SLC9A9: variants seen among roughly 807,000 people sequenced by gnomAD.
SLC9A9 encodes solute carrier family 9 member A9.
Under a neutral mutation model 77.8 loss-of-function variants are expected in SLC9A9, and 62 were observed. That is an observed-to-expected ratio of 0.80 (90% CI 0.65 to 0.98). The LOEUF is 0.98. Ranked by LOEUF, SLC9A9 falls within the 50% of genes least tolerant of loss-of-function variation. SLC9A9 has a pLI of 0.00. For synonymous variants in SLC9A9, 320 were observed against 283.5 expected (o/e 1.13, Z -1.29); for missense variants, 775 against 774.9 (o/e 1.00, Z 0.00).
chr3:143,478,846 A>C (rs1207637624), intron 11 of SLC9A9, among the ~76,000 whole-genome samples: 1 of 152,240 alleles, frequency 6.6e-6, no homozygotes, highest in Non-Finnish European at 1.5e-5. Context: ...GCAATTAATA[A>C]ATAAATTCAG....
At chr3:143,793,129 G>T (rs575460293) in intron 4 of SLC9A9, among the ~76,000 whole-genome samples, 3 of 152,206 alleles carry the variant, frequency 2.0e-5, no homozygotes, top group African/African-American at 7.2e-5. Context: ...ATTATAAGTT[G>T]TTGGACAACC....
At chr3:143,318,018 T>C (rs144463488) in intron 14 of SLC9A9, among the ~76,000 whole-genome samples, 2,211 of 152,282 alleles carry the variant, frequency 0.015, 38 homozygotes, top group Middle Eastern at 0.037. Context: ...TGAGCCACCG[T>C]GCCCGGCCTC....
At chr3:143,688,575 T>A (rs1396194882) in intron 5 of SLC9A9, among the ~76,000 whole-genome samples, 4 of 152,090 alleles carry the variant, frequency 2.6e-5, no homozygotes, top group Non-Finnish European at 5.9e-5. Context: ...AGTCCATGCT[T>A]CCAGTGGCTG....
At chr3:143,709,446 G>A (rs1934083433) in intron 4 of SLC9A9, among the ~76,000 whole-genome samples, 1 of 152,116 alleles carries the variant, frequency 6.6e-6, no homozygotes, top group Admixed American at 6.5e-5. Flanking sequence ...TTCTAATAAG[G>A]TTCCAGGTGG....
chr3:143,553,557 CA>C (rs1427468593), intron 8 of SLC9A9, among the ~76,000 whole-genome samples: 1 of 152,066 alleles, frequency 6.6e-6, no homozygotes, highest in Non-Finnish European at 1.5e-5. Context: ...AGTGAATCTG[CA>C]ACAAAGAATT....
At chr3:143,664,268 A>G (rs1255648323) in intron 5 of SLC9A9, among the ~76,000 whole-genome samples, 1 of 152,234 alleles carries the variant, frequency 6.6e-6, no homozygotes, top group Non-Finnish European at 1.5e-5. Context: ...TCCTTTCCAG[A>G]CAAGCAAATG....
chr3:143,616,623 T>A (rs1456646916), intron 6 of SLC9A9, among the ~76,000 whole-genome samples: 1 of 152,112 alleles, frequency 6.6e-6, no homozygotes, highest in Non-Finnish European at 1.5e-5. Context: ...AGCTGACTTA[T>A]GGAAATAAAT....
At chr3:143,452,144 T>C (rs756990539) in intron 12 of SLC9A9, among the ~76,000 whole-genome samples, 1 of 152,116 alleles carries the variant, frequency 6.6e-6, no homozygotes, top group Non-Finnish European at 1.5e-5. Flanking sequence ...ATATTTATAC[T>C]GTCCTTAAGT....
At chr3:143,292,029 T>A (rs2030016498) in intron 14 of SLC9A9, among the ~76,000 whole-genome samples, 1 of 152,174 alleles carries the variant, frequency 6.6e-6, no homozygotes, top group Non-Finnish European at 1.5e-5. Flanking sequence ...AGAAGAGCCA[T>A]TCTCTGGGCT....
At chr3:143,384,293 C>CCACTCTCACAGCTGTCT (rs933904649) in intron 12 of SLC9A9, among the ~76,000 whole-genome samples, 3 of 152,090 alleles carry the variant, frequency 2.0e-5, no homozygotes, top group African/African-American at 7.2e-5. Flanking sequence ...TGGGGCCAGG[C>CCACTCTCACAGCTGTCT]CACTCTCACA....
At chr3:143,642,080 T>A (rs2038633955) in intron 6 of SLC9A9, among the ~76,000 whole-genome samples, 1 of 152,248 alleles carries the variant, frequency 6.6e-6, no homozygotes. Flanking sequence ...TGATGAGTGA[T>A]GAAGTACCTG....
intron 14 of SLC9A9, among the ~76,000 whole-genome samples, chr3:143,279,749 C>T (rs1430265862): frequency 1.3e-5 from 2 of 152,084 alleles, no homozygotes; most frequent in East Asian, 3.8e-4. Flanking sequence ...TGAACTCATC[C>T]TTTTTTATGG....
intron 2 of SLC9A9, among the ~76,000 whole-genome samples, chr3:143,804,004 C>T (rs956675146): frequency 4.6e-5 from 7 of 152,148 alleles, no homozygotes; most frequent in Non-Finnish European, 8.8e-5. Context: ...TAACTCTACT[C>T]CCCCCTTATG....
intron 4 of SLC9A9, among the ~76,000 whole-genome samples, chr3:143,786,031 A>AT (rs1158376895): frequency 2.0e-5 from 3 of 150,716 alleles, no homozygotes; most frequent in African/African-American, 7.3e-5. Context: ...TAATTTTTGT[A>AT]TTTTTAGTAG....
At chr3:143,321,132 G>A (rs2031406810) in intron 14 of SLC9A9, among the ~76,000 whole-genome samples, 3 of 152,176 alleles carry the variant, frequency 2.0e-5, no homozygotes, top group African/African-American at 4.8e-5. Context: ...ATACATTTCT[G>A]TTGTTTTAAG....
chr3:143,531,490 C>A (rs1371656114), intron 9 of SLC9A9, among the ~76,000 whole-genome samples: 1 of 152,204 alleles, frequency 6.6e-6, no homozygotes, highest in Non-Finnish European at 1.5e-5. Flanking sequence ...GGAAGCAGCA[C>A]TAAATCAAAT....
intron 6 of SLC9A9, among the ~76,000 whole-genome samples, chr3:143,622,372 C>T (rs1373602055): frequency 4.6e-5 from 7 of 152,248 alleles, no homozygotes; most frequent in African/African-American, 1.4e-4. Context: ...AGAGAAAGGT[C>T]GGGTTACCCA....
intron 12 of SLC9A9, among the ~76,000 whole-genome samples, chr3:143,395,833 C>A (rs1488273332): frequency 4.6e-5 from 7 of 152,132 alleles, no homozygotes; most frequent in South Asian, 4.1e-4. Context: ...ATGCAGCCAA[C>A]AGACATATGA....
At chr3:143,271,928 G>C (rs1399420961) in intron 14 of SLC9A9, among the ~76,000 whole-genome samples, 2 of 152,146 alleles carry the variant, frequency 1.3e-5, no homozygotes, top group Non-Finnish European at 2.9e-5. Context: ...TATATTATGT[G>C]CACAATGGAT....
Sources: allele counts gnomAD v4.1 joint callset (sites outside exome capture counted in the v4.1 genomes callset), GRCh38; gene constraint gnomAD v4.1.1; transcripts MANE v1.5; gene names NCBI Gene and HGNC (gene_info 2026-07-23, HGNC 2026-07-21).